The following TRIM9 variants were observed in gnomAD, a reference collection of about 807,000 sequenced individuals.
TRIM9 encodes the protein E3 ubiquitin-protein ligase TRIM9.
TRIM9 carries 26 observed loss-of-function variants against 78.3 expected under a neutral mutation model. The observed-to-expected ratio is 0.33, with a 90% CI of 0.24 to 0.46. The LOEUF is 0.46. Ranked by LOEUF, TRIM9 falls within the 20% of genes least tolerant of loss-of-function variation. TRIM9 has a pLI of 1.00. For synonymous variants in TRIM9, 398 were observed against 416.5 expected (o/e 0.96, Z 0.54); for missense variants, 787 against 1,036.4 (o/e 0.76, Z 3.30).
intron 7 of TRIM9, among the ~76,000 whole-genome samples, chr14:50,994,585 A>G (rs1019757995): frequency 3.3e-5 from 5 of 152,232 alleles, no homozygotes; most frequent in African/African-American, 1.2e-4. Context: ...GAAGAGGGAA[A>G]CTAGAGAAAA....
chr14:50,982,066 C>T lies in TRIM9; in HGVS notation c.1896G>A (p.Ser632=), dbSNP rs200849577. ...WFAFDPGSAH[S]DIILSNDNLT... ...GGTTGTCATTGGAGAGGATGATGTC[C>T]GAGTGCGCCGAGCCAGGGTCGAAAG... The change falls in exon 11 of 13, where the codon TCG becomes TCA. Residue 632 remains serine, a synonymous_variant. Transcript: ENST00000684578. 12 of 1,614,072 alleles carry T rather than the reference C, an allele frequency of 7.4e-6. No individual in the cohort carries two copies. The highest frequency in any genetic ancestry group is 6.7e-5 in the East Asian group (3 of 44,880).
chr14:51,015,025 T>A (rs1220836616), intron 3 of TRIM9, among the ~76,000 whole-genome samples: 1 of 152,260 alleles, frequency 6.6e-6, no homozygotes, highest in East Asian at 1.9e-4. Context: ...CAGAGAAGGC[T>A]TTTAAAATTT....
chr14:50,997,042 C>T (rs2054297020), intron 7 of TRIM9: 1 of 985,372 alleles, frequency 1.0e-6, no homozygotes, highest in Non-Finnish European at 1.2e-6. Context: ...ACATCTTGAA[C>T]TTGAACAAAA....
chr14:51,003,718 T>C (rs141107063), intron 5 of TRIM9, among the ~76,000 whole-genome samples: 5 of 151,596 alleles, frequency 3.3e-5, no homozygotes, highest in African/African-American at 9.7e-5. Context: ...AATTAGCAAA[T>C]GGACAAAAAG....
chr14:51,019,077 C>T (rs146121621), intron 3 of TRIM9, among the ~76,000 whole-genome samples: 8 of 152,334 alleles, frequency 5.3e-5, no homozygotes, highest in African/African-American at 1.7e-4. Context: ...ATTAATGGCA[C>T]AATTTAGTTT....
chr14:51,066,682 G>A (rs755234265), intron 1 of TRIM9, among the ~76,000 whole-genome samples: 3 of 152,212 alleles, frequency 2.0e-5, no homozygotes, highest in Admixed American at 6.5e-5. Flanking sequence ...CACATTCAAA[G>A]CACTCCAGTC....
At position 50,988,665 on chromosome 14, in the gene TRIM9, T is replaced by C. The variant is rs147368403; in HGVS notation, c.1604-2521A>G. Among the ~76,000 whole-genome samples the C allele has an allele frequency of 8.6e-5, 13 of 152,036 alleles. No individual in the cohort carries two copies. In the East Asian group the frequency reaches 2.3e-3, roughly 27 times the overall value. ...TACCGTATTTTCTCTAAGTAGCTGT[T>C]AACAACAACAAAAAAATCCTACCTT... On this transcript the variant is annotated intron_variant, in intron 7 of 12. Transcript: ENST00000684578.
At chr14:50,979,324 C>T (rs2051503812) in intron 12 of TRIM9, 63 bp downstream of exon 12, 2 of 1,613,902 alleles carry the variant, frequency 1.2e-6, no homozygotes, top group Middle Eastern at 1.7e-4. Context: ...ATTGAACGGC[C>T]CTGGGCAGCC....
intron 1 of TRIM9, among the ~76,000 whole-genome samples, chr14:51,040,400 G>A (rs1160771302): frequency 6.6e-6 from 1 of 152,000 alleles, no homozygotes; most frequent in African/African-American, 2.4e-5. Context: ...GCCTGTACCC[G>A]GCAGCACCCG....
intron 11 of TRIM9, among the ~76,000 whole-genome samples, chr14:50,980,294 A>C (rs544445393): frequency 2.6e-4 from 39 of 152,326 alleles, no homozygotes; most frequent in African/African-American, 9.1e-4. Flanking sequence ...TTTTACAAAG[A>C]ATTGTGTCTT....
intron 9 of TRIM9, 147 bp from the exon 10 acceptor site, chr14:50,983,112 T>G: frequency 1.2e-6 from 1 of 804,200 alleles, no homozygotes; most frequent in Non-Finnish European, 2.0e-6. Context: ...GCTCTCTGAC[T>G]TGTACCTTTA....
At position 51,009,160 on chromosome 14, in the gene TRIM9, A is replaced by G; in HGVS notation, c.1226T>C (p.Met409Thr). 6.2e-7 allele frequency: 1 copy of G among 1,614,140 alleles called. No homozygotes were observed. ...QWGKGTLTPR[M>T]TTDFDLSLDN... Reference sequence around the variant, plus strand: ...CAGACTCAAGTCAAAGTCCGTGGTCATCCTTGGAGTGAGTGTGCCTTTACC... The same window carrying G: ...CAGACTCAAGTCAAAGTCCGTGGTCGTCCTTGGAGTGAGTGTGCCTTTACC... Residue 409 changes from methionine (M) to threonine (T), a missense_variant, in exon 5 of 13, where the codon ATG becomes ACG. Around this residue, in one of 3 missense-constraint regions of TRIM9, gnomAD observed 421 missense variants for 514.3 expected, o/e 0.82. Transcript: ENST00000684578.
At position 51,022,784 on chromosome 14, in the gene TRIM9, T is replaced by C. The variant is rs573262039; in HGVS notation, c.1041+51A>G. ...TCTCCCAGCCTGTCCATCATGCCCC[T>C]CGGGAGCCTGGCTTGTTGGCTTTCT... On this transcript the variant is annotated intron_variant, in intron 3 of 12. Transcript: ENST00000684578. 3.5e-5 allele frequency: 56 copies of C among 1,609,624 alleles called. No individual in the cohort carries two copies. The Middle Eastern group carries it at 6.7e-4, about 19-fold the overall frequency.
chr14:51,051,236 C>A (rs1168414355), intron 1 of TRIM9, among the ~76,000 whole-genome samples: 1 of 152,152 alleles, frequency 6.6e-6, no homozygotes, highest in Admixed American at 6.5e-5. Flanking sequence ...TTTCCTATAT[C>A]TTTTGTCTTT....
intron 5 of TRIM9, 152 bp from the exon 6 acceptor site, chr14:51,000,992 A>G: frequency 2.2e-6 from 2 of 903,066 alleles, no homozygotes; most frequent in East Asian, 2.6e-5. Flanking sequence ...CAGAGTCCCC[A>G]GGAGTCAGAC....
chr14:50,983,873 C>A (rs1329250351), intron 8 of TRIM9, among the ~76,000 whole-genome samples: 1 of 152,192 alleles, frequency 6.6e-6, no homozygotes, highest in Non-Finnish European at 1.5e-5. Context: ...TTAAATATAA[C>A]TAAATGTGTA....
At chr14:51,015,505 CTTTTTTTT>C (rs369652663) in intron 3 of TRIM9, among the ~76,000 whole-genome samples, 1,925 of 61,240 alleles carry the variant, frequency 0.031, 13 homozygotes, top group Middle Eastern at 0.097. Flanking sequence ...CTTTACTTTT[CTTTTTTTT>C]TTTTTTTTTT....
At chr14:51,071,093 G>A (rs113479358) in intron 1 of TRIM9, among the ~76,000 whole-genome samples, 3,846 of 152,112 alleles carry the variant, frequency 0.025, 179 homozygotes, top group African/African-American at 0.088. Flanking sequence ...TAAGAAAGTG[G>A]AGGCGGCCAG....
chr14:51,009,014 T>C, intron 5 of TRIM9, 66 bp downstream of exon 5: 1 of 1,542,996 alleles, frequency 6.5e-7, no homozygotes, highest in South Asian at 1.2e-5. Context: ...GGGGTACTGA[T>C]CCTGCTTCAA....
Sources: allele counts gnomAD v4.1 joint callset (sites outside exome capture counted in the v4.1 genomes callset), GRCh38; gene constraint gnomAD v4.1.1; regional missense constraint gnomAD v4.1.1; transcripts MANE v1.5; gene names NCBI Gene and HGNC (gene_info 2026-07-23, HGNC 2026-07-21).